Variants in NOX4 observed in about 807,000 individuals in gnomAD.
NOX4 encodes the protein kidney oxidase-1.
In NOX4, 69 loss-of-function variants were observed where a neutral mutation model predicts 87.6. The ratio of observed to expected loss-of-function variants is 0.79; its 90% CI spans 0.65 to 0.96. NOX4 has a LOEUF of 0.96. Ranked by LOEUF, NOX4 falls within the 40% of genes least tolerant of loss-of-function variation. The pLI is 0.00. For synonymous variants in NOX4, 275 were observed against 238.2 expected (o/e 1.15, Z -1.42); for missense variants, 680 against 681.5 (o/e 1.00, Z 0.02).
intron 2 of NOX4, among the ~76,000 whole-genome samples, chr11:89,468,458 C>T (rs1458285633): frequency 6.6e-6 from 1 of 152,192 alleles, no homozygotes; most frequent in African/African-American, 2.4e-5. Flanking sequence ...TGAAGACTAT[C>T]GTCTCTGTTA....
the NOX4 span, among the ~76,000 whole-genome samples, chr11:89,558,907 G>C: frequency 6.6e-6 from 1 of 152,010 alleles, no homozygotes. Flanking sequence ...AGTGCAAAGA[G>C]GCAGGAAAAA....
the NOX4 span, among the ~76,000 whole-genome samples, chr11:89,557,596 C>A: frequency 1.3e-5 from 2 of 152,148 alleles, no homozygotes; most frequent in East Asian, 3.9e-4. Context: ...ATTTAAGGAA[C>A]AAGAGAAAAA....
chr11:89,492,790 G>C (rs1946891889), upstream of NOX4, among the ~76,000 whole-genome samples: 1 of 152,128 alleles, frequency 6.6e-6, no homozygotes, highest in Admixed American at 6.5e-5. Flanking sequence ...GGGATGCACT[G>C]GTGCTCCTAA....
chr11:89,391,822 G>C (rs1941148722), intron 11 of NOX4, among the ~76,000 whole-genome samples: 1 of 150,860 alleles, frequency 6.6e-6, no homozygotes, highest in African/African-American at 2.4e-5. Context: ...TAATACATTA[G>C]TAGGCACTAT....
chr11:89,480,265 C>T (rs10082669), intron 2 of NOX4, among the ~76,000 whole-genome samples: 1,718 of 152,220 alleles, frequency 0.011, 18 homozygotes, highest in Admixed American at 0.017. Flanking sequence ...TGAAGACAAA[C>T]GTCTCATTCC....
chr11:89,382,740 C>T (rs1403419257), intron 11 of NOX4, among the ~76,000 whole-genome samples: 1 of 152,102 alleles, frequency 6.6e-6, no homozygotes, highest in East Asian at 1.9e-4. Context: ...CCCCTGTTCA[C>T]ACCCAGTCTG....
the NOX4 span, among the ~76,000 whole-genome samples, chr11:89,539,615 C>CTCTTTCTCTT: frequency 6.6e-6 from 1 of 152,052 alleles, no homozygotes; most frequent in African/African-American, 2.4e-5. Flanking sequence ...CTCACCCACC[C>CTCTTTCTCTT]TCTTTCTCTT....
At chr11:89,350,765 T>C (rs1431440118) in intron 13 of NOX4, among the ~76,000 whole-genome samples, 3 of 152,204 alleles carry the variant, frequency 2.0e-5, no homozygotes, top group African/African-American at 4.8e-5. Context: ...TACAAATTCT[T>C]TGACTTTCAG....
intron 8 of NOX4, among the ~76,000 whole-genome samples, chr11:89,420,072 A>T (rs1228138608): frequency 1.3e-5 from 2 of 152,142 alleles, no homozygotes; most frequent in Non-Finnish European, 2.9e-5. Context: ...ACCTCTCCAA[A>T]AAAATAAAGC....
chr11:89,479,879 C>G (rs545014489), intron 2 of NOX4, among the ~76,000 whole-genome samples: 1 of 152,232 alleles, frequency 6.6e-6, no homozygotes, highest in Non-Finnish European at 1.5e-5. Context: ...ATCACATAGA[C>G]TCACTCACTA....
intron 2 of NOX4, among the ~76,000 whole-genome samples, 177 bp from the exon 3 acceptor site, chr11:89,452,072 C>T (rs1408628302): frequency 2.6e-5 from 4 of 152,178 alleles, no homozygotes; most frequent in Admixed American, 1.3e-4. Flanking sequence ...CTTTGAACGA[C>T]TTCTTTCTGT....
At chr11:89,447,099 G>C (rs1944743364) in intron 4 of NOX4, among the ~76,000 whole-genome samples, 1 of 151,970 alleles carries the variant, frequency 6.6e-6, no homozygotes, top group Admixed American at 6.6e-5. Context: ...AAGCTAACAT[G>C]AGTTAAATAA....
chr11:89,511,402 T>A, the NOX4 span, among the ~76,000 whole-genome samples: 1 of 151,952 alleles, frequency 6.6e-6, no homozygotes, highest in African/African-American at 2.4e-5. Flanking sequence ...TTTCATCCCT[T>A]ACTCTTCCCC....
chr11:89,457,159 C>G (rs1267803866), intron 2 of NOX4, among the ~76,000 whole-genome samples: 1 of 152,220 alleles, frequency 6.6e-6, no homozygotes, highest in East Asian at 1.9e-4. Context: ...TCCCTCTCCC[C>G]ATGTGGGCAG....
chr11:89,340,791 T>A (rs200150988), intron 14 of NOX4, among the ~76,000 whole-genome samples: 1 of 152,194 alleles, frequency 6.6e-6, no homozygotes, highest in East Asian at 1.9e-4. Context: ...TCCTTTTTCA[T>A]AACATTAGGT....
chr11:89,403,404 TA>T (rs1185510723), intron 8 of NOX4, among the ~76,000 whole-genome samples: 2 of 152,200 alleles, frequency 1.3e-5, no homozygotes, highest in Non-Finnish European at 2.9e-5. Context: ...TTTATTATTT[TA>T]AAGAATACTA....
intron 2 of NOX4, among the ~76,000 whole-genome samples, chr11:89,471,656 C>T (rs1945947051): frequency 6.6e-6 from 1 of 152,070 alleles, no homozygotes; most frequent in Admixed American, 6.6e-5. Flanking sequence ...CAAGACTGCA[C>T]TTAAGAATAA....
intron 6 of NOX4, among the ~76,000 whole-genome samples, chr11:89,434,790 G>A (rs1209337115): frequency 6.6e-6 from 1 of 151,762 alleles, no homozygotes; most frequent in African/African-American, 2.4e-5. Context: ...AAAAAATAAA[G>A]TGTTGATAGA....
At chr11:89,447,445 G>T (rs1244395411) in intron 4 of NOX4, among the ~76,000 whole-genome samples, 2 of 152,020 alleles carry the variant, frequency 1.3e-5, no homozygotes, top group African/African-American at 4.8e-5. Context: ...AAGAATTCAG[G>T]GCTTCTAATT....
Sources: gnomAD v4.1 joint callset for allele counts (sites outside exome capture counted in the v4.1 genomes callset) on GRCh38, gnomAD v4.1.1 for gene constraint, MANE v1.5 for transcripts, NCBI Gene and HGNC (gene_info 2026-07-23, HGNC 2026-07-21) for gene names.